BMAL2: variants seen among roughly 807,000 people sequenced by gnomAD.
BMAL2 encodes basic helix-loop-helix ARNT like 2.
chr12:27,332,876 C>G, the BMAL2 span: 1 of 206,900 alleles, frequency 4.8e-6, no homozygotes, highest in Admixed American at 6.1e-5. Flanking sequence ...TGCTCAGTAG[C>G]TGCTGCCGGC....
At chr12:27,347,042 G>A in the BMAL2 span, among the ~76,000 whole-genome samples, 1 of 152,092 alleles carries the variant, frequency 6.6e-6, no homozygotes, top group Non-Finnish European at 1.5e-5. Context: ...GCAGCCTGAG[G>A]CCCTCACCAG....
chr12:27,348,173 G>A, the BMAL2 span, among the ~76,000 whole-genome samples: 65,401 of 152,026 alleles, frequency 0.43, 14,287 homozygotes, highest in Middle Eastern at 0.51. Flanking sequence ...CTCTTCCCTC[G>A]TGTCAACCTT....
the BMAL2 span, among the ~76,000 whole-genome samples, chr12:27,392,977 C>G: frequency 6.6e-6 from 1 of 152,262 alleles, no homozygotes; most frequent in East Asian, 1.9e-4. Context: ...GCTTGCAACT[C>G]TACAGGCTTC....
the BMAL2 span, chr12:27,390,030 A>G: frequency 3.7e-4 from 581 of 1,565,764 alleles, 1 homozygote; most frequent in Non-Finnish European, 4.9e-4. Context: ...ATGTTAGGAG[A>G]TAAATTTCAA....
At chr12:27,375,992 C>T in the BMAL2 span, among the ~76,000 whole-genome samples, 1 of 152,138 alleles carries the variant, frequency 6.6e-6, no homozygotes, top group African/African-American at 2.4e-5. Context: ...GTTAAGCCAT[C>T]AATGATGTTA....
the BMAL2 span, among the ~76,000 whole-genome samples, chr12:27,347,104 A>C: frequency 6.6e-6 from 1 of 152,184 alleles, no homozygotes; most frequent in Non-Finnish European, 1.5e-5. Flanking sequence ...TGAGCCAAAT[A>C]AACCCTTTTT....
the BMAL2 span, among the ~76,000 whole-genome samples, chr12:27,364,303 G>A: frequency 9.9e-5 from 15 of 152,090 alleles, no homozygotes; most frequent in Admixed American, 6.5e-5. Context: ...TCTGTATTCT[G>A]TTTTTATTTT....
chr12:27,337,415 C>T, the BMAL2 span, among the ~76,000 whole-genome samples: 11 of 146,496 alleles, frequency 7.5e-5, no homozygotes, highest in East Asian at 2.4e-3. Flanking sequence ...ACCAAAGTGC[C>T]TCCACCTTTG....
chr12:27,409,857 C>G, the BMAL2 span, among the ~76,000 whole-genome samples: 1 of 152,016 alleles, frequency 6.6e-6, no homozygotes, highest in East Asian at 1.9e-4. Flanking sequence ...GGACAAAGGG[C>G]TAATATCCAG....
chr12:27,339,725 T>C, the BMAL2 span, among the ~76,000 whole-genome samples: 1 of 151,888 alleles, frequency 6.6e-6, no homozygotes, highest in Non-Finnish European at 1.5e-5. Context: ...CCCGGGTTCA[T>C]GCCATTCTCC....
chr12:27,388,266 G>A, the BMAL2 span, among the ~76,000 whole-genome samples: 33,506 of 152,102 alleles, frequency 0.22, 4,371 homozygotes, highest in Middle Eastern at 0.38. Flanking sequence ...CATGATTCAG[G>A]ATTTAGTCCT....
At chr12:27,411,831 A>C in the BMAL2 span, among the ~76,000 whole-genome samples, 3 of 152,180 alleles carry the variant, frequency 2.0e-5, no homozygotes, top group East Asian at 5.8e-4. Flanking sequence ...TTTGATGTAC[A>C]AAAGTTTTTA....
At chr12:27,367,089 T>A in the BMAL2 span, among the ~76,000 whole-genome samples, 1 of 152,188 alleles carries the variant, frequency 6.6e-6, no homozygotes, top group East Asian at 1.9e-4. Flanking sequence ...TAGTAAGAGA[T>A]TAACTACAAT....
the BMAL2 span, chr12:27,380,478 T>G: frequency 6.6e-7 from 1 of 1,524,394 alleles, no homozygotes; most frequent in Non-Finnish European, 9.0e-7. Flanking sequence ...ATTGGTTCGC[T>G]TTGCTGTCAG....
At chr12:27,385,100 G>A in the BMAL2 span, among the ~76,000 whole-genome samples, 1,622 of 152,212 alleles carry the variant, frequency 0.011, 44 homozygotes, top group African/African-American at 0.037. Flanking sequence ...GATTGCTTGA[G>A]GCCAGGAGTT....
At chr12:27,420,689 G>C in the BMAL2 span, 1 of 881,422 alleles carries the variant, frequency 1.1e-6, no homozygotes. Flanking sequence ...TCACAGGGAT[G>C]TGGGGAAATA....
At chr12:27,380,143 C>T in the BMAL2 span, 3 of 1,138,634 alleles carry the variant, frequency 2.6e-6, no homozygotes, top group South Asian at 3.0e-5. Flanking sequence ...GGAGGAAGAA[C>T]AGTGTGTGCC....
the BMAL2 span, chr12:27,400,773 AG>A: frequency 1.2e-6 from 2 of 1,603,378 alleles, no homozygotes; most frequent in Non-Finnish European, 1.7e-6. Context: ...TGTAGATCAA[AG>A]GTAAACATTT....
At chr12:27,358,300 A>T in the BMAL2 span, among the ~76,000 whole-genome samples, 96 of 152,306 alleles carry the variant, frequency 6.3e-4, 1 homozygote, top group African/African-American at 2.3e-3. Context: ...AATGCTCAAC[A>T]TCACTAATGA....
Sources: allele counts gnomAD v4.1 joint callset (sites outside exome capture counted in the v4.1 genomes callset), GRCh38; gene constraint gnomAD v4.1.1; transcripts MANE v1.5; gene names NCBI Gene and HGNC (gene_info 2026-07-23, HGNC 2026-07-21).